The following FRMD4A variants were observed in gnomAD, a reference collection of about 807,000 sequenced individuals.
FRMD4A encodes the protein FERM domain-containing protein 4A.
A neutral mutation model predicts 129.1 loss-of-function variants in FRMD4A; 29 were observed. The ratio of observed to expected loss-of-function variants is 0.22; its 90% CI spans 0.17 to 0.31. The LOEUF (loss-of-function observed/expected upper bound fraction) is 0.31. FRMD4A is among the 10% of genes least tolerant of loss of function. FRMD4A has a pLI of 1.00. For synonymous variants in FRMD4A, 634 were observed against 571.6 expected (o/e 1.11, Z -1.56); for missense variants, 1,272 against 1,375.8 (o/e 0.92, Z 1.19).
At position 13,785,390 on chromosome 10, in the gene FRMD4A, C is replaced by A. The variant is rs1446166418; in HGVS notation, c.300-2384G>T. Among the ~76,000 whole-genome samples the A allele has an allele frequency of 3.9e-5, 6 of 152,242 alleles. No individual in the cohort carries two copies. The East Asian group carries it at 7.7e-4, about 20-fold the overall frequency. On this transcript the variant is annotated intron_variant, in intron 5 of 24. Coordinates refer to ENST00000357447, the MANE Select transcript of FRMD4A (RefSeq NM_018027.5). ...GGCTGATCTCTGCCCATAACCCCTG[C>A]CCCTGCCAAGCACCTGCCCCCTGCT...
chr10:13,736,785 T>C (rs2090652214), intron 12 of FRMD4A, among the ~76,000 whole-genome samples: 2 of 152,260 alleles, frequency 1.3e-5, no homozygotes, highest in South Asian at 4.1e-4. Context: ...ATTTCAGGGT[T>C]TGGACTGCAT....
chr10:14,220,419 C>A (rs1373686057), intron 2 of FRMD4A, among the ~76,000 whole-genome samples: 2 of 152,200 alleles, frequency 1.3e-5, no homozygotes, highest in South Asian at 2.1e-4. Flanking sequence ...GTGAGTTTGA[C>A]TTTTAGGGAG....
At chr10:13,663,634 G>C (rs1226941146) in intron 18 of FRMD4A, 125 bp from the exon 19 acceptor site, 1 of 653,872 alleles carries the variant, frequency 1.5e-6, no homozygotes, top group Non-Finnish European at 2.8e-6. Flanking sequence ...CAACCCACCA[G>C]ATACAATAAA....
chr10:14,186,608 C>A (rs1589143763), intron 2 of FRMD4A, among the ~76,000 whole-genome samples: 1 of 152,154 alleles, frequency 6.6e-6, no homozygotes, highest in Admixed American at 6.5e-5. Context: ...GGTCTAGGGA[C>A]CCTGCTTCTC....
At chr10:13,910,097 G>C (rs1031906347) in intron 2 of FRMD4A, among the ~76,000 whole-genome samples, 2 of 152,214 alleles carry the variant, frequency 1.3e-5, no homozygotes, top group African/African-American at 4.8e-5. Flanking sequence ...ATGTGACTGT[G>C]AAGTGATGTC....
intron 2 of FRMD4A, among the ~76,000 whole-genome samples, chr10:14,289,884 A>C (rs544904500): frequency 6.6e-6 from 1 of 151,984 alleles, no homozygotes; most frequent in Non-Finnish European, 1.5e-5. Context: ...CACAAAAAAA[A>C]CTCTTAGGAC....
chr10:13,747,903 C>T (rs887398734), intron 8 of FRMD4A, 84 bp from the exon 9 acceptor site: 14 of 784,312 alleles, frequency 1.8e-5, no homozygotes, highest in Non-Finnish European at 3.0e-5. Context: ...GCTGTCTTGT[C>T]TGAGAGACCC....
chr10:14,108,739 C>T (rs1837715510), intron 2 of FRMD4A, among the ~76,000 whole-genome samples: 1 of 152,008 alleles, frequency 6.6e-6, no homozygotes, highest in Non-Finnish European at 1.5e-5. Flanking sequence ...ATGATATGCC[C>T]CTCATATTTG....
chr10:14,157,118 C>A (rs937346400), intron 2 of FRMD4A, among the ~76,000 whole-genome samples: 77 of 152,346 alleles, frequency 5.1e-4, no homozygotes, highest in African/African-American at 1.8e-3. Flanking sequence ...GAATCTAAAA[C>A]TAAGTTACAA....
At chr10:14,169,167 G>T (rs931028967) in intron 2 of FRMD4A, among the ~76,000 whole-genome samples, 1 of 151,928 alleles carries the variant, frequency 6.6e-6, no homozygotes, top group Non-Finnish European at 1.5e-5. Context: ...GGGTTCTCAG[G>T]TGGAAGAATC....
At chr10:14,263,464 C>T (rs1431375275) in intron 2 of FRMD4A, among the ~76,000 whole-genome samples, 1 of 152,112 alleles carries the variant, frequency 6.6e-6, no homozygotes, top group Non-Finnish European at 1.5e-5. Context: ...GCATCCATTC[C>T]ACGTGCTCTG....
chr10:13,651,687 T>C lies in FRMD4A; in HGVS notation c.*2+216A>G, dbSNP rs549323465. ...GACTCTGTCTCAAAACAAAACATAC[T>C]CTGGGGGTCTTTTCTGGGAAGCAGT... On this transcript the variant is annotated intron_variant, in intron 24 of 24. Transcript: ENST00000357447. 11 of 564,864 alleles carry C rather than the reference T, an allele frequency of 1.9e-5. No homozygotes were observed. In the South Asian group the frequency reaches 2.1e-4, roughly 11 times the overall value. 35.0% of individuals were successfully genotyped at this position (564,864 alleles called of 1,614,324 possible).
At chr10:13,986,994 G>A (rs1401090271) in intron 2 of FRMD4A, among the ~76,000 whole-genome samples, 1 of 152,086 alleles carries the variant, frequency 6.6e-6, no homozygotes, top group East Asian at 1.9e-4. Context: ...TTTCAAACAG[G>A]TTACCAGGAG....
chr10:13,788,928 C>T (rs1161138628), intron 5 of FRMD4A, among the ~76,000 whole-genome samples: 1 of 152,222 alleles, frequency 6.6e-6, no homozygotes, highest in Admixed American at 6.5e-5. Flanking sequence ...CAGGTCTCCT[C>T]CTCCATTCTC....
intron 2 of FRMD4A, among the ~76,000 whole-genome samples, chr10:14,055,227 A>G (rs1163165879): frequency 6.6e-6 from 1 of 152,196 alleles, no homozygotes; most frequent in African/African-American, 2.4e-5. Context: ...TCAATGTTCC[A>G]TCTTCTTCCA....
intron 17 of FRMD4A, chr10:13,668,214 T>C (rs1238585816): frequency 2.0e-5 from 3 of 152,278 alleles, no homozygotes; most frequent in Admixed American, 6.5e-5. Flanking sequence ...GGCTGCGCTG[T>C]TGTCTCAGAG....
intron 2 of FRMD4A, among the ~76,000 whole-genome samples, chr10:14,266,459 G>A (rs1182491200): frequency 3.9e-5 from 6 of 152,046 alleles, no homozygotes; most frequent in South Asian, 2.1e-4. Context: ...TCTCATTTCT[G>A]CTTCATTTGA....
intron 2 of FRMD4A, among the ~76,000 whole-genome samples, chr10:14,070,583 G>C (rs1395234677): frequency 6.6e-6 from 1 of 152,206 alleles, no homozygotes; most frequent in East Asian, 1.9e-4. Flanking sequence ...TTCTGCTTTG[G>C]GTTTCAGAGA....
At chr10:13,716,447 C>A (rs538595365) in intron 12 of FRMD4A, among the ~76,000 whole-genome samples, 1 of 152,230 alleles carries the variant, frequency 6.6e-6, no homozygotes, top group Non-Finnish European at 1.5e-5. Context: ...TGTCCTCCAT[C>A]ACTTGCACTG....
Sources: allele counts gnomAD v4.1 joint callset (sites outside exome capture counted in the v4.1 genomes callset), GRCh38; gene constraint gnomAD v4.1.1; transcripts MANE v1.5; gene names NCBI Gene and HGNC (gene_info 2026-07-23, HGNC 2026-07-21).